The following GTF2IRD1 variants were observed in gnomAD, a reference collection of about 807,000 sequenced individuals.
The protein encoded by GTF2IRD1 is GTF2I repeat domain containing 1, also known as general transcription factor II-I repeat domain-containing protein 1.
GTF2IRD1 carries 26 observed loss-of-function variants against 113.2 expected under a neutral mutation model. That is an observed-to-expected ratio of 0.23 (90% CI 0.17 to 0.32). The LOEUF (loss-of-function observed/expected upper bound fraction) is 0.32, where lower values mean the gene tolerates loss of function less well. GTF2IRD1 is among the 10% of genes least tolerant of loss of function. GTF2IRD1 has a pLI of 1.00. For missense variants in GTF2IRD1, 864 were observed against 1,280.8 expected (o/e 0.67, Z 4.97); for synonymous variants, 484 against 529.1 (o/e 0.91, Z 1.17).
At chr7:74,566,435 C>G (rs143862709) in intron 22 of GTF2IRD1, among the ~76,000 whole-genome samples, 3 of 152,200 alleles carry the variant, frequency 2.0e-5, no homozygotes, top group Non-Finnish European at 2.9e-5. Flanking sequence ...CTCCGCCTCC[C>G]GAGTTCAAGC....
chr7:74,592,438 C>T (rs1255895050), intron 24 of GTF2IRD1, among the ~76,000 whole-genome samples: 3 of 151,294 alleles, frequency 2.0e-5, no homozygotes, highest in African/African-American at 4.9e-5. Flanking sequence ...AGGCTAGTCT[C>T]GAACTCCTGG....
intron 9 of GTF2IRD1, among the ~76,000 whole-genome samples, chr7:74,534,669 C>T (rs1438284624): frequency 2.0e-5 from 3 of 152,006 alleles, no homozygotes; most frequent in Non-Finnish European, 4.4e-5. Flanking sequence ...GCTGAGATCG[C>T]GCCACTGCAC....
rs146356445 is a variant in GTF2IRD1 at position 74,520,226 on chromosome 7, C to T, written c.916+507C>T. Among the ~76,000 whole-genome samples, 20 of 150,442 alleles carry T rather than the reference C, an allele frequency of 1.3e-4. No homozygotes were observed. In the East Asian group the frequency reaches 3.8e-3, roughly 29 times the overall value. On this transcript the variant is annotated intron_variant, in intron 6 of 26. Coordinates refer to ENST00000424337, the MANE Select transcript of GTF2IRD1 (RefSeq NM_005685.4). The stretch of plus-strand genomic sequence containing the variant: ...TGCATTCCATGAGGACCCATTCCAA[C>T]TGAATGAGCACCCACTGCATACCCA...
chr7:74,516,713 G>C (rs1162306584), intron 4 of GTF2IRD1, among the ~76,000 whole-genome samples: 1 of 152,218 alleles, frequency 6.6e-6, no homozygotes, highest in Non-Finnish European at 1.5e-5. Flanking sequence ...TGGGGGACTT[G>C]CCACGCATGG....
In GTF2IRD1 at chr7:74,519,477, A is replaced by C; in HGVS notation, c.674A>C (p.Lys225Thr). Residue 225 changes from lysine (K) to threonine (T), a missense_variant, in exon 6 of 27, where the codon AAG becomes ACG. By Grantham distance (78) the Lys-to-Thr change is moderately conservative. Transcript: ENST00000424337. ...CTGAACGGTGTCTCCCTGATTCCCA[A>C]GGGGTCACGGGACTGTGGCCTGCAT... ...VELNGVSLIP[K>T]GSRDCGLHGQ... The C allele has an allele frequency of 6.3e-7, 1 of 1,598,514 alleles. No individual in the cohort carries two copies.
intron 1 of GTF2IRD1, among the ~76,000 whole-genome samples, chr7:74,463,724 T>G (rs2116923811): frequency 6.6e-6 from 1 of 150,936 alleles, no homozygotes; most frequent in East Asian, 2.0e-4. Context: ...CACTGTTGTT[T>G]TTTGTTTTTT....
In GTF2IRD1 at chr7:74,517,970, C is replaced by T. The variant is rs117052160; in HGVS notation, c.422-169C>T. ...GGGCCTTGTCCACACCACCCACCCC[C>T]AGCCTGCAGGCGGTTATTCTGCACA... On this transcript the variant is annotated intron_variant, in intron 4 of 26. Coordinates refer to ENST00000424337, the MANE Select transcript of GTF2IRD1 (RefSeq NM_005685.4). Among the ~76,000 whole-genome samples the T allele has an allele frequency of 9.3e-3, 1,419 of 152,302 alleles. 6 individuals carry two copies. Among genetic ancestry groups the T allele is most frequent in the Non-Finnish European group, 0.015 (1,034 of 68,016 alleles).
chr7:74,575,071 CAA>C (rs1800951775), intron 22 of GTF2IRD1, among the ~76,000 whole-genome samples: 1 of 149,582 alleles, frequency 6.7e-6, no homozygotes, highest in Non-Finnish European at 1.5e-5. Context: ...GCTTGGGCAA[CAA>C]GAGCGAAACT....
chr7:74,480,500 C>T (rs1794675346), intron 1 of GTF2IRD1, among the ~76,000 whole-genome samples: 1 of 152,222 alleles, frequency 6.6e-6, no homozygotes, highest in African/African-American at 2.4e-5. Context: ...GGCTGACAGC[C>T]CGGAGATTAG....
At chr7:74,600,953 C>T (rs1372744305) in intron 25 of GTF2IRD1, 91 bp from the exon 26 acceptor site, 11 of 1,442,002 alleles carry the variant, frequency 7.6e-6, no homozygotes, top group East Asian at 2.3e-5. Flanking sequence ...GACTCGAAAC[C>T]TTAAGACAGA....
At chr7:74,518,392 G>A (rs587681340) in intron 5 of GTF2IRD1, 70 bp downstream of exon 5, 74 of 1,301,472 alleles carry the variant, frequency 5.7e-5, no homozygotes, top group Non-Finnish European at 7.4e-5. Context: ...GGGGGCTGGA[G>A]GCCACTTAGC....
intron 22 of GTF2IRD1, among the ~76,000 whole-genome samples, chr7:74,570,259 A>G (rs1470066753): frequency 4.0e-5 from 6 of 151,702 alleles, no homozygotes; most frequent in South Asian, 4.2e-4. Flanking sequence ...GCTACTCGGG[A>G]GCTTGAGGCA....
At chr7:74,570,944 G>C (rs1258990212) in intron 22 of GTF2IRD1, among the ~76,000 whole-genome samples, 1 of 152,202 alleles carries the variant, frequency 6.6e-6, no homozygotes, top group East Asian at 1.9e-4. Context: ...GCTCCTCCCT[G>C]CGTATGGGCC....
chr7:74,575,825 G>C (rs782163017), intron 22 of GTF2IRD1, among the ~76,000 whole-genome samples: 3 of 152,126 alleles, frequency 2.0e-5, no homozygotes, highest in African/African-American at 4.8e-5. Context: ...GGGCTCAGGG[G>C]AGCAGTCCAG....
At chr7:74,557,608 C>T in intron 19 of GTF2IRD1, 31 bp from the exon 20 acceptor site, 1 of 1,544,460 alleles carries the variant, frequency 6.5e-7, no homozygotes, top group African/African-American at 1.4e-5. Flanking sequence ...CACTCAACAG[C>T]CCAAACCCAT....
At position 74,555,089 on chromosome 7, in the gene GTF2IRD1, G is replaced by A. The variant is rs1799516586; in HGVS notation, c.1917-85G>A. 10 of 1,275,764 alleles carry A rather than the reference G, an allele frequency of 7.8e-6. No homozygotes were observed. The highest frequency in any genetic ancestry group is 1.1e-5 in the Non-Finnish European group (10 of 892,542). The allele number at this position is 1,275,764 out of a possible 1,614,324, so 79.0% of individuals were successfully genotyped here. On this transcript the variant is annotated intron_variant, in intron 17 of 26. Transcript: ENST00000424337. This position sits in a 1 kb window ranked among gnomAD's most constrained non-coding sequence, Gnocchi z 5.3. ...CCAGAAGGGTCCATTGCAGGGCTGTGTAGACTGAGGCCCAGAGAGGAGGGC... is the reference window on the plus strand; with the variant it reads ...CCAGAAGGGTCCATTGCAGGGCTGTATAGACTGAGGCCCAGAGAGGAGGGC...
At chr7:74,459,363 C>A (rs1343266694) in intron 1 of GTF2IRD1, among the ~76,000 whole-genome samples, 13 of 151,774 alleles carry the variant, frequency 8.6e-5, no homozygotes, top group Admixed American at 1.3e-4. Context: ...GAGGCTGAGG[C>A]AAGAGAATTG....
chr7:74,461,036 G>A (rs1269290775), intron 1 of GTF2IRD1, among the ~76,000 whole-genome samples: 2 of 152,222 alleles, frequency 1.3e-5, no homozygotes, highest in Admixed American at 1.3e-4. Flanking sequence ...GCCCGCCTGG[G>A]CAGTTTTCTT....
chr7:74,557,212 T>C (rs1474946374), intron 19 of GTF2IRD1, among the ~76,000 whole-genome samples: 1 of 152,130 alleles, frequency 6.6e-6, no homozygotes, highest in African/African-American at 2.4e-5. Flanking sequence ...GCCCATCCCC[T>C]GTGTCTGTGG....
Sources: allele counts gnomAD v4.1 joint callset (sites outside exome capture counted in the v4.1 genomes callset), GRCh38; gene constraint gnomAD v4.1.1; non-coding constraint Gnocchi (gnomAD v3.1); transcripts MANE v1.5; gene names NCBI Gene and HGNC (gene_info 2026-07-23, HGNC 2026-07-21).